Variants in ANKRD30BL observed in about 807,000 individuals in gnomAD.
ANKRD30BL encodes ankyrin repeat domain 30B like.
ANKRD30BL carries 20 observed loss-of-function variants against 18.4 expected under a neutral mutation model. The observed-to-expected ratio is 1.09, with a 90% CI of 0.77 to 1.58. The LOEUF (loss-of-function observed/expected upper bound fraction) is 1.58, where lower values mean the gene tolerates loss of function less well. Among genes scored for constraint, ANKRD30BL ranks in the 40% most tolerant of loss-of-function variants. ANKRD30BL has a pLI of 0.00. For missense variants in ANKRD30BL, 224 were observed against 268.6 expected (o/e 0.83, Z 1.16); for synonymous variants, 72 against 100.9 (o/e 0.71, Z 1.72).
At chr2:132,159,028 C>G (rs1341908301) in intron 1 of ANKRD30BL, among the ~76,000 whole-genome samples, 1 of 151,892 alleles carries the variant, frequency 6.6e-6, no homozygotes, top group African/African-American at 2.4e-5. Context: ...TGTACATGCT[C>G]AATGTGGAAA....
intron 3 of ANKRD30BL, chr2:132,156,749 T>A (rs1487944094): frequency 3.9e-6 from 1 of 258,536 alleles, no homozygotes; most frequent in African/African-American, 2.2e-5. Context: ...TGTTTTACCT[T>A]TAACAAATTT....
chr2:132,242,322 G>C lies in ANKRD30BL; in HGVS notation n.441+15207C>G, dbSNP rs527643387. Among the ~76,000 whole-genome samples, 6 of 151,944 alleles carry C rather than the reference G, an allele frequency of 3.9e-5. No individual in the cohort carries two copies. The East Asian group carries it at 1.2e-3, about 29-fold the overall frequency. On this transcript the variant is annotated intron_variant and non_coding_transcript_variant, in intron 1 of 4. Transcript: ENST00000470729. ...AACACTCTTTTTTTAGAATCTGCAA[G>C]TGGATATTTGGATAGCTTTGAGGAT...
chr2:132,211,821 A>G (rs1679361081), intron 1 of ANKRD30BL, among the ~76,000 whole-genome samples: 3 of 149,962 alleles, frequency 2.0e-5, no homozygotes, highest in South Asian at 2.1e-4. Context: ...CTTTCTTTTC[A>G]TTGAGCAGTT....
Position 132,160,922 on chromosome 2 carries a change from A to C in ANKRD30BL, c.218+566T>G, listed in dbSNP as rs568628924. On this transcript the variant is annotated intron_variant, in intron 1 of 5. Coordinates refer to ENST00000409867, the MANE Select transcript of ANKRD30BL (RefSeq NM_001358416.1). The stretch of plus-strand genomic sequence containing the variant: ...AAGAACTTGCATCTTCAGAAAAATG[A>C]GTCTTCTTAAATTCGAAAACATAAA... Among the ~76,000 whole-genome samples the C allele has an allele frequency of 6.3e-4, 94 of 149,904 alleles. 1 individual carries two copies. The highest frequency in any genetic ancestry group is 2.2e-3 in the African/African-American group (87 of 40,330).
At chr2:132,159,488 T>C (rs1687999372) in intron 1 of ANKRD30BL, among the ~76,000 whole-genome samples, 1 of 152,172 alleles carries the variant, frequency 6.6e-6, no homozygotes. Flanking sequence ...TATTGTTTTC[T>C]GTGTGCATAG....
At chr2:132,222,707 G>T (rs554300539) in intron 1 of ANKRD30BL, among the ~76,000 whole-genome samples, 2 of 151,774 alleles carry the variant, frequency 1.3e-5, no homozygotes, top group Middle Eastern at 3.4e-3. Context: ...GCGGAAGGCC[G>T]CAGGGTCCTC....
chr2:132,220,082 T>C (rs76283579), intron 1 of ANKRD30BL, among the ~76,000 whole-genome samples: 2 of 152,230 alleles, frequency 1.3e-5, no homozygotes, highest in Admixed American at 1.3e-4. Context: ...TACTTTATCA[T>C]AGAGCAGTTT....
intron 1 of ANKRD30BL, among the ~76,000 whole-genome samples, chr2:132,234,501 G>A (rs368010033): frequency 6.6e-6 from 1 of 151,814 alleles, no homozygotes; most frequent in Admixed American, 6.6e-5. Context: ...ATGATAAAGG[G>A]GATATCACCA....
intron 1 of ANKRD30BL, among the ~76,000 whole-genome samples, chr2:132,214,729 T>A (rs982240341): frequency 6.6e-6 from 1 of 151,828 alleles, no homozygotes; most frequent in Non-Finnish European, 1.5e-5. Flanking sequence ...TGTGCATTCA[T>A]CTCACAGAGC....
At position 132,252,127 on chromosome 2, in the gene ANKRD30BL, T is replaced by C. The variant is rs552444184; in HGVS notation, n.441+5402A>G. On this transcript the variant is annotated intron_variant and non_coding_transcript_variant, in intron 1 of 4. Transcript: ENST00000470729. ...ACTCCCTTTTATTAAAACTGTATTT[T>C]TTTTTACACTTTTGTGTAACTCGGG... 4.7e-4 allele frequency among the ~76,000 whole-genome samples: 72 copies of C among 152,384 alleles called. 1 individual carries two copies. The East Asian group carries it at 0.011, about 24-fold the overall frequency.
At chr2:132,178,492 G>A (rs571876272) in intron 1 of ANKRD30BL, among the ~76,000 whole-genome samples, 1 of 152,320 alleles carries the variant, frequency 6.6e-6, no homozygotes, top group East Asian at 1.9e-4. Context: ...AATTCCATAT[G>A]TCTGGGACAT....
chr2:132,201,969 T>C (rs1031522833), intron 1 of ANKRD30BL, among the ~76,000 whole-genome samples: 3 of 152,134 alleles, frequency 2.0e-5, no homozygotes, highest in African/African-American at 4.8e-5. Flanking sequence ...GCCATAAAAA[T>C]TGATGAGTTC....
At chr2:132,171,970 A>G (rs1395022590) in intron 1 of ANKRD30BL, among the ~76,000 whole-genome samples, 1 of 152,208 alleles carries the variant, frequency 6.6e-6, no homozygotes, top group African/African-American at 2.4e-5. Flanking sequence ...ATCCTTTTGC[A>G]TCTGGATTAT....
At chr2:132,230,548 A>G (rs1292137006) in intron 1 of ANKRD30BL, among the ~76,000 whole-genome samples, 1 of 152,136 alleles carries the variant, frequency 6.6e-6, no homozygotes, top group Admixed American at 6.6e-5. Flanking sequence ...AGAGTTGAAC[A>G]TAGCTTTTCA....
intron 1 of ANKRD30BL, among the ~76,000 whole-genome samples, chr2:132,249,234 T>A (rs1256789292): frequency 1.3e-5 from 2 of 152,196 alleles, no homozygotes; most frequent in Non-Finnish European, 2.9e-5. Context: ...CTCAACTCTG[T>A]GAGATGAGTG....
intron 1 of ANKRD30BL, among the ~76,000 whole-genome samples, chr2:132,203,978 T>C (rs1163568715): frequency 6.6e-6 from 1 of 152,108 alleles, no homozygotes; most frequent in South Asian, 2.1e-4. Context: ...TATCTGATTT[T>C]ATAATTATGT....
rs1418065072 is a variant in ANKRD30BL at position 132,221,413 on chromosome 2, G to A, written n.441+36116C>T. On this transcript the variant is annotated intron_variant and non_coding_transcript_variant, in intron 1 of 4. Coordinates refer to the ANKRD30BL transcript ENST00000470729. Reference sequence around the variant, plus strand: ...CCGGCCAGCCGCCCCGTCCGGGAGGGAGGTGGGGGGATCAGCCCCCCGCCT... The same window carrying A: ...CCGGCCAGCCGCCCCGTCCGGGAGGAAGGTGGGGGGATCAGCCCCCCGCCT... 3.7e-5 allele frequency among the ~76,000 whole-genome samples: 5 copies of A among 136,826 alleles called. No homozygotes were observed. In the South Asian group the frequency reaches 9.0e-4, roughly 25 times the overall value. The allele number at this position is 136,826 out of a possible 152,430, so 89.8% of individuals were successfully genotyped here. A position where few individuals can be genotyped will look rare whatever the true frequency, so the allele number is the denominator to read the frequency against.
chr2:132,220,488 C>T (rs1303786931), intron 1 of ANKRD30BL, among the ~76,000 whole-genome samples: 11 of 152,042 alleles, frequency 7.2e-5, no homozygotes, highest in African/African-American at 1.7e-4. Context: ...CTCAGCCTGC[C>T]GAGTGCCTGT....
chr2:132,185,294 T>C (rs540026090), intron 1 of ANKRD30BL, among the ~76,000 whole-genome samples: 15 of 152,178 alleles, frequency 9.9e-5, no homozygotes, highest in Non-Finnish European at 2.1e-4. Context: ...CTCTCAGCAA[T>C]TCTCAATTCT....
Sources: allele counts gnomAD v4.1 joint callset (sites outside exome capture counted in the v4.1 genomes callset), GRCh38; gene constraint gnomAD v4.1.1; transcripts MANE v1.5; gene names NCBI Gene and HGNC (gene_info 2026-07-23, HGNC 2026-07-21).